The following NUDT1 variants were observed in gnomAD, a reference collection of about 807,000 sequenced individuals.
NUDT1 encodes nudix hydrolase 1, also known as oxidized purine nucleoside triphosphate hydrolase.
NUDT1 carries 16 observed loss-of-function variants against 11.3 expected under a neutral mutation model. The observed-to-expected ratio is 1.41, with a 90% CI of 0.96 to 2.15. The LOEUF is 2.15. Among genes scored for constraint, NUDT1 ranks in the 30% most tolerant of loss-of-function variants. The pLI is 0.00. For missense variants in NUDT1, 234 were observed against 208.4 expected (o/e 1.12, Z -0.76); for synonymous variants, 101 against 84.4 (o/e 1.20, Z -1.08).
chr7:2,250,538 A>G (rs1394598450), intron 3 of NUDT1, among the ~76,000 whole-genome samples: 1 of 152,192 alleles, frequency 6.6e-6, no homozygotes, highest in East Asian at 1.9e-4. Context: ...GCTCACTGCA[A>G]GCTCCACCTC....
At chr7:2,250,381 G>A (rs1279421796) in intron 3 of NUDT1, among the ~76,000 whole-genome samples, 6 of 152,190 alleles carry the variant, frequency 3.9e-5, no homozygotes, top group Non-Finnish European at 8.8e-5. Flanking sequence ...CAGGAGGATC[G>A]TTGAGCCCAG....
In NUDT1 at chr7:2,250,958, A is replaced by G; in HGVS notation, c.428A>G (p.Asp143Gly). ...FHGYFKFQGQ[D>G]TILDYTLREV... is the part of the protein sequence containing the mutation. The stretch of plus-strand genomic sequence containing the variant: ...GGGTACTTCAAGTTCCAGGGTCAGG[A>G]CACCATCCTGGACTACACACTCCGC... The change falls in exon 4 of 4, where the codon GAC becomes GGC. Residue 143 changes from aspartate (D) to glycine (G), a missense_variant. Coordinates refer to ENST00000356714, the MANE Select transcript of NUDT1 (RefSeq NM_002452.4). 1.9e-6 allele frequency: 3 copies of G among 1,613,948 alleles called. No homozygotes were observed. The highest frequency in any genetic ancestry group is 2.5e-6 in the Non-Finnish European group (3 of 1,179,958).
At position 2,250,669 on chromosome 7, in the gene NUDT1, A is replaced by G. The variant is rs1199460087; in HGVS notation, c.299-160A>G. On this transcript the variant is annotated intron_variant, in intron 3 of 3. Coordinates refer to ENST00000356714, the MANE Select transcript of NUDT1 (RefSeq NM_002452.4). The stretch of plus-strand genomic sequence containing the variant: ...GAGACGGGGTTTCACCGTGTTAGCC[A>G]GGATGGTCTCGATCTCCTGACCTCG... 1.4e-4 allele frequency among the ~76,000 whole-genome samples: 14 copies of G among 99,794 alleles called. No homozygotes were observed. The East Asian group carries it at 3.1e-3, about 22-fold the overall frequency. The allele number at this position is 99,794 out of a possible 152,430, so 65.5% of individuals were successfully genotyped here. A position where few individuals can be genotyped will look rare whatever the true frequency, so the allele number is the denominator to read the frequency against.
At chr7:2,247,022 C>T (rs936533211) in intron 2 of NUDT1, among the ~76,000 whole-genome samples, 1 of 151,626 alleles carries the variant, frequency 6.6e-6, no homozygotes. Context: ...GCTTAGGGGT[C>T]CCAGGGCCCC....
At chr7:2,242,895 G>C (rs750355029) in intron 1 of NUDT1, 4 of 703,328 alleles carry the variant, frequency 5.7e-6, no homozygotes, top group Non-Finnish European at 1.0e-5. Context: ...CTGCCTTATC[G>C]CAAGGACAGA....
chr7:2,242,259 A>G lies in NUDT1; in HGVS notation c.-13+3A>G. The G allele has an allele frequency of 1.5e-6, 2 of 1,323,614 alleles. No homozygotes were observed. The highest frequency in any genetic ancestry group is 1.0e-6 in the Non-Finnish European group (1 of 993,196). The allele number at this position is 1,323,614 out of a possible 1,614,324, so 82.0% of individuals were successfully genotyped here. A position where few individuals can be genotyped will look rare whatever the true frequency, so the allele number is the denominator to read the frequency against. On this transcript the variant is annotated splice_donor_region_variant and intron_variant, in intron 1 of 3. Transcript: ENST00000356714. ...CGCCCCCGGAAGCGGCGGTGCAGGT[A>G]CGAAAAGCGCGCGCGGGGATTCCAG... is the stretch of plus-strand genomic sequence containing the variant.
Position 2,244,689 on chromosome 7 carries a change from G to C in NUDT1, c.115G>C (p.Val39Leu). The C allele has an allele frequency of 6.2e-7, 1 of 1,613,158 alleles. No individual in the cohort carries two copies. Among genetic ancestry groups the C allele is most frequent in the Non-Finnish European group, 8.5e-7 (1 of 1,179,712 alleles). The change falls in exon 2 of 4, where the codon GTG becomes CTG. Residue 39 changes from valine (V) to leucine (L), a missense_variant. By Grantham distance (32) the Val-to-Leu change is conservative. Coordinates refer to ENST00000356714, the MANE Select transcript of NUDT1 (RefSeq NM_002452.4). ...CCGGTGGAATGGCTTTGGGGGCAAA[G>C]TGCAAGAAGGAGAGACCATCGAGGA... ...AGRWNGFGGK[V>L]QEGETIEDGA...
At chr7:2,250,164 C>A (rs1794931250) in intron 3 of NUDT1, among the ~76,000 whole-genome samples, 162 bp downstream of exon 3, 1 of 152,254 alleles carries the variant, frequency 6.6e-6, no homozygotes, top group Admixed American at 6.5e-5. Context: ...GCCGTGGTCT[C>A]TGCACCGAGG....
At chr7:2,247,660 A>G (rs958231487) in intron 2 of NUDT1, among the ~76,000 whole-genome samples, 2 of 152,198 alleles carry the variant, frequency 1.3e-5, no homozygotes, top group African/African-American at 4.8e-5. Context: ...ACCGAGTGCC[A>G]TGGACAGAGC....
chr7:2,247,593 AC>A (rs1794821786), intron 2 of NUDT1, among the ~76,000 whole-genome samples: 2 of 151,984 alleles, frequency 1.3e-5, no homozygotes, highest in African/African-American at 4.8e-5. Flanking sequence ...ACGCTGCACC[AC>A]CCTGTGTTTT....
intron 2 of NUDT1, among the ~76,000 whole-genome samples, chr7:2,245,403 G>A (rs1029570562): frequency 3.9e-5 from 6 of 152,152 alleles, no homozygotes; most frequent in Non-Finnish European, 7.4e-5. Context: ...GTCCTGGCAC[G>A]GAGGAAAGCC....
chr7:2,243,498 C>T lies in NUDT1; in HGVS notation c.-12-1065C>T, dbSNP rs998571912. Among the ~76,000 whole-genome samples the T allele has an allele frequency of 6.6e-5, 10 of 152,114 alleles. 1 individual carries two copies. The highest frequency in any genetic ancestry group is 1.0e-4 in the Non-Finnish European group (7 of 68,026). On this transcript the variant is annotated intron_variant, in intron 1 of 3. Coordinates refer to ENST00000356714, the MANE Select transcript of NUDT1 (RefSeq NM_002452.4). ...CCCAGAAAAGTTGGTCCTGGCTGGGCGCAGTGGCTCACGCCTGTAATCTCA... is the reference window on the plus strand; with the variant it reads ...CCCAGAAAAGTTGGTCCTGGCTGGGTGCAGTGGCTCACGCCTGTAATCTCA...
At chr7:2,245,121 G>A (rs1308044584) in intron 2 of NUDT1, among the ~76,000 whole-genome samples, 2 of 152,122 alleles carry the variant, frequency 1.3e-5, no homozygotes, top group Non-Finnish European at 2.9e-5. Context: ...CTGTTCAGTG[G>A]AGCTGATGAT....
intron 3 of NUDT1, 61 bp downstream of exon 3, chr7:2,250,063 G>T (rs1050163003): frequency 1.9e-6 from 3 of 1,597,810 alleles, no homozygotes; most frequent in South Asian, 1.1e-5. Flanking sequence ...CTGGCTGGGA[G>T]AAAGGCCATC....
Position 2,248,569 on chromosome 7 carries a change from T to A in NUDT1, c.153-1288T>A, listed in dbSNP as rs996838851. Among the ~76,000 whole-genome samples, 24 of 127,944 alleles carry A rather than the reference T, an allele frequency of 1.9e-4. No homozygotes were observed. In the South Asian group the frequency reaches 3.6e-3, roughly 19 times the overall value. The allele number at this position is 127,944 out of a possible 152,430, so 83.9% of individuals were successfully genotyped here. A position where few individuals can be genotyped will look rare whatever the true frequency, so the allele number is the denominator to read the frequency against. ...TTGCTTTTTTTTTTTTTTTTTTTTT[T>A]AAGACAGGGTCTAGCTCGGTTGCCC... On this transcript the variant is annotated intron_variant, in intron 2 of 3. Coordinates refer to ENST00000356714, the MANE Select transcript of NUDT1 (RefSeq NM_002452.4).
chr7:2,244,848 G>T, intron 2 of NUDT1, 122 bp downstream of exon 2: 1 of 1,104,370 alleles, frequency 9.1e-7, no homozygotes, highest in Non-Finnish European at 1.3e-6. Context: ...GGGGTTAAGC[G>T]TGAGCCTCAG....
At chr7:2,250,076 C>T (rs1562410975) in intron 3 of NUDT1, 74 bp downstream of exon 3, 4 of 1,584,176 alleles carry the variant, frequency 2.5e-6, no homozygotes, top group Non-Finnish European at 3.4e-6. Context: ...AGGCCATCCG[C>T]CCAAACCATC....
Position 2,244,656 on chromosome 7 carries a change from G to C in NUDT1, c.82G>C (p.Gly28Arg). The C allele has an allele frequency of 1.2e-6, 2 of 1,613,844 alleles. No individual in the cohort carries two copies. The highest frequency in any genetic ancestry group is 1.7e-6 in the Non-Finnish European group (2 of 1,179,922). Residue 28 changes from glycine (G) to arginine (R), a missense_variant, in exon 2 of 4, where the codon GGG (glycine) becomes CGG (arginine). Physicochemically the swap from Gly to Arg is moderately radical, Grantham distance 125. Coordinates refer to ENST00000356714, the MANE Select transcript of NUDT1 (RefSeq NM_002452.4). ...CCTGGGCATGAAAAAGCGAGGCTTC[G>C]GGGCCGGCCGGTGGAATGGCTTTGG... The part of the protein sequence containing the change: ...VLLGMKKRGF[G>R]AGRWNGFGGK...
At chr7:2,244,965 C>T (rs189233038) in intron 2 of NUDT1, among the ~76,000 whole-genome samples, 37 of 152,244 alleles carry the variant, frequency 2.4e-4, no homozygotes, top group Non-Finnish European at 4.7e-4. Context: ...GTGTGCGGTG[C>T]GTGCTGAGTG....
Sources: gnomAD v4.1 joint callset for allele counts (sites outside exome capture counted in the v4.1 genomes callset) on GRCh38, gnomAD v4.1.1 for gene constraint, MANE v1.5 for transcripts, NCBI Gene and HGNC (gene_info 2026-07-23, HGNC 2026-07-21) for gene names.